CELF2: variants seen among roughly 807,000 people sequenced by gnomAD.
CELF2 encodes the protein CUG triplet repeat RNA-binding protein 2.
A neutral mutation model predicts 62.6 loss-of-function variants in CELF2; 8 were observed. The observed-to-expected ratio is 0.13, with a 90% CI of 0.07 to 0.23. CELF2 has a LOEUF of 0.23. Ranked by LOEUF, CELF2 falls within the 10% of genes least tolerant of loss-of-function variation. The pLI, the probability that CELF2 is intolerant of heterozygous loss-of-function variation, is 1.00. For synonymous variants in CELF2, 258 were observed against 250.0 expected, an observed-to-expected ratio of 1.03 and a Z score of -0.30; for missense variants, 333 against 671.0, an observed-to-expected ratio of 0.50 and a Z score of 5.56.
intron 2 of CELF2, among the ~76,000 whole-genome samples, chr10:10,950,146 T>C (rs2048161058): frequency 6.6e-6 from 1 of 152,184 alleles, no homozygotes; most frequent in South Asian, 2.1e-4. Flanking sequence ...TTCCCTACCT[T>C]GACCTTGTCT....
At chr10:10,885,235 A>G (rs1032430865) in intron 1 of CELF2, among the ~76,000 whole-genome samples, 2 of 151,652 alleles carry the variant, frequency 1.3e-5, no homozygotes, top group Non-Finnish European at 2.9e-5. Flanking sequence ...AGGGTGAGAC[A>G]CTGTCTCAAA....
intron 1 of CELF2, among the ~76,000 whole-genome samples, chr10:10,817,883 T>C (rs1216175299): frequency 6.6e-6 from 1 of 152,214 alleles, no homozygotes; most frequent in Non-Finnish European, 1.5e-5. Context: ...GCCCAGTGTA[T>C]AGTAAGACAG....
the CELF2 span, among the ~76,000 whole-genome samples, chr10:10,760,597 C>T: frequency 1.3e-5 from 2 of 151,956 alleles, no homozygotes; most frequent in Non-Finnish European, 2.9e-5. Context: ...ATGAAAGCTG[C>T]GATGGAGGGG....
At chr10:11,147,486 A>T (rs2132510587) in intron 1 of CELF2, among the ~76,000 whole-genome samples, 1 of 152,330 alleles carries the variant, frequency 6.6e-6, no homozygotes, top group East Asian at 1.9e-4. Context: ...TTCTTTTAAT[A>T]TCGTGAGCCC....
At chr10:11,059,683 C>A in intron 1 of CELF2, among the ~76,000 whole-genome samples, 1 of 152,032 alleles carries the variant, frequency 6.6e-6, no homozygotes, top group Non-Finnish European at 1.5e-5. Flanking sequence ...GCCATCAGGA[C>A]AGAGTATGGA....
At chr10:11,086,585 A>T (rs946771173) in intron 1 of CELF2, among the ~76,000 whole-genome samples, 283 of 67,690 alleles carry the variant, frequency 4.2e-3, no homozygotes, top group Middle Eastern at 0.016. Context: ...TGTTAAAAAA[A>T]AAAAAAAAAA....
chr10:11,020,619 TTAAA>T (rs1186632548), intron 1 of CELF2, among the ~76,000 whole-genome samples: 3 of 152,250 alleles, frequency 2.0e-5, no homozygotes, highest in Non-Finnish European at 4.4e-5. Flanking sequence ...TAAAAGGAAC[TTAAA>T]TAAAGCATAG....
chr10:10,978,815 A>G (rs894232051), intron 2 of CELF2, among the ~76,000 whole-genome samples: 3 of 152,236 alleles, frequency 2.0e-5, no homozygotes, highest in Non-Finnish European at 4.4e-5. Flanking sequence ...TGTCAAAACA[A>G]TATCAGTATT....
chr10:10,918,121 T>G (rs1475563973), intron 1 of CELF2, among the ~76,000 whole-genome samples: 1 of 152,180 alleles, frequency 6.6e-6, no homozygotes, highest in Admixed American at 6.5e-5. Flanking sequence ...GAATAAATAT[T>G]TATTGAGTGT....
intron 2 of CELF2, among the ~76,000 whole-genome samples, chr10:10,939,024 G>A (rs564173254): frequency 4.6e-5 from 7 of 152,184 alleles, no homozygotes; most frequent in Non-Finnish European, 7.3e-5. Context: ...ATCTGCAGAC[G>A]ACCTTCAGGG....
intron 1 of CELF2, among the ~76,000 whole-genome samples, chr10:10,866,122 G>C (rs1439587761): frequency 6.6e-6 from 1 of 152,128 alleles, no homozygotes; most frequent in Non-Finnish European, 1.5e-5. Flanking sequence ...AGCTCACCAA[G>C]AAGCGAGGTC....
At chr10:10,884,375 G>A (rs1193884969) in intron 1 of CELF2, among the ~76,000 whole-genome samples, 2 of 152,158 alleles carry the variant, frequency 1.3e-5, no homozygotes, top group African/African-American at 4.8e-5. Flanking sequence ...ATTGTGTGAT[G>A]TTTCCCACCC....
chr10:10,566,546 C>T, the CELF2 span, among the ~76,000 whole-genome samples: 1 of 150,478 alleles, frequency 6.6e-6, no homozygotes, highest in African/African-American at 2.4e-5. Flanking sequence ...TTAGGTATAT[C>T]TCCCAATGCT....
At chr10:10,497,215 A>G in the CELF2 span, among the ~76,000 whole-genome samples, 2 of 56,030 alleles carry the variant, frequency 3.6e-5, no homozygotes, top group African/African-American at 1.5e-4. Flanking sequence ...AGATAAAAAG[A>G]AAAAAAAAAT....
chr10:11,081,141 C>G lies in CELF2; in HGVS notation c.74+62978C>G, dbSNP rs536315625. On this transcript the variant is annotated intron_variant, in intron 1 of 12. Coordinates refer to ENST00000633077, the MANE Select transcript of CELF2 (RefSeq NM_001326342.2). ...AATAAATTCATTAGTGAAGTGAAGA[C>G]TTACTCATGTACATTGGTTCTAGCA... Among the ~76,000 whole-genome samples the G allele has an allele frequency of 7.9e-4, 120 of 152,286 alleles. 2 individuals are homozygous for G. The highest frequency in any genetic ancestry group is 1.5e-3 in the Non-Finnish European group (102 of 68,022).
intron 1 of CELF2, among the ~76,000 whole-genome samples, chr10:11,130,589 G>T (rs2059466855): frequency 6.6e-6 from 1 of 152,212 alleles, no homozygotes; most frequent in Non-Finnish European, 1.5e-5. Flanking sequence ...GTTCTAAAGT[G>T]TAGATGTTTT....
intron 2 of CELF2, among the ~76,000 whole-genome samples, chr10:11,174,939 A>G (rs1024147764): frequency 6.6e-6 from 1 of 152,184 alleles, no homozygotes; most frequent in Non-Finnish European, 1.5e-5. Context: ...ATTGCTATCA[A>G]TTTTAATACC....
In CELF2 at chr10:11,270,915, G is replaced by A; in HGVS notation, c.777+91G>A. 8.5e-7 allele frequency: 1 copy of A among 1,175,928 alleles called. No individual in the cohort carries two copies. The highest frequency in any genetic ancestry group is 3.0e-5 in the South Asian group (1 of 33,234). The allele number at this position is 1,175,928 out of a possible 1,614,324, so 72.8% of individuals were successfully genotyped here. On this transcript the variant is annotated intron_variant, in intron 7 of 12. Coordinates refer to ENST00000633077, the MANE Select transcript of CELF2 (RefSeq NM_001326342.2). The surrounding 1 kb of genome is among the most constrained non-coding windows in gnomAD (Gnocchi z 5.8). ...CCCTACGCTGAGGCATTTGTTTTCA[G>A]TACATTTTCAATCTCGGGGAATTAT... is the stretch of plus-strand genomic sequence containing the variant.
the CELF2 span, among the ~76,000 whole-genome samples, chr10:10,645,679 G>A: frequency 0.064 from 9,762 of 152,188 alleles, 358 homozygotes; most frequent in Admixed American, 0.097. Context: ...AAATTTGCTT[G>A]ATTAATGGTT....
Sources: gnomAD v4.1 joint callset for allele counts (sites outside exome capture counted in the v4.1 genomes callset) on GRCh38, gnomAD v4.1.1 for gene constraint, Gnocchi (gnomAD v3.1) non-coding constraint, MANE v1.5 for transcripts, NCBI Gene and HGNC (gene_info 2026-07-23, HGNC 2026-07-21) for gene names.